Variants in SENP7 observed in about 807,000 individuals in gnomAD.
SENP7 encodes sentrin-specific protease 7.
In SENP7, 64 loss-of-function variants were observed where a neutral mutation model predicts 141.2. That is an observed-to-expected ratio of 0.45 (90% CI 0.37 to 0.56). The LOEUF (loss-of-function observed/expected upper bound fraction) is 0.56. Among genes scored for constraint, SENP7 ranks in the 20% least tolerant of loss-of-function variants. SENP7 has a pLI of 0.00. For synonymous variants in SENP7, 382 were observed against 426.4 expected, an observed-to-expected ratio of 0.90 and a Z score of 1.28; for missense variants, 1,025 against 1,212.2, an observed-to-expected ratio of 0.85 and a Z score of 2.29.
At chr3:101,449,152 G>C (rs1056006117) in intron 4 of SENP7, among the ~76,000 whole-genome samples, 1 of 152,110 alleles carries the variant, frequency 6.6e-6, no homozygotes, top group Non-Finnish European at 1.5e-5. Context: ...TGAATGAAAT[G>C]AAGAGAGAAG....
chr3:101,371,192 T>C (rs2060170625), intron 7 of SENP7, among the ~76,000 whole-genome samples: 1 of 151,942 alleles, frequency 6.6e-6, no homozygotes, highest in Non-Finnish European at 1.5e-5. Context: ...GGGAGGCTGA[T>C]GTGGGAGGAT....
chr3:101,452,213 G>A (rs1026050387), intron 4 of SENP7, among the ~76,000 whole-genome samples: 19 of 152,152 alleles, frequency 1.2e-4, no homozygotes, highest in African/African-American at 4.6e-4. Context: ...TGAAATAAAA[G>A]AGGACACAAA....
Position 101,328,670 on chromosome 3 carries a change from G to A in SENP7, c.2771C>T (p.Ser924Leu). The A allele has an allele frequency of 6.2e-7, 1 of 1,607,580 alleles. No individual in the cohort carries two copies. Among genetic ancestry groups the A allele is most frequent in the East Asian group, 2.2e-5 (1 of 44,638 alleles). ...CCTTTTACACATTTTCTTTGGTACTGACATATTCGACTCGGTACTCTGAAA... is the reference window on the plus strand; with the variant it reads ...CCTTTTACACATTTTCTTTGGTACTAACATATTCGACTCGGTACTCTGAAA... The part of the protein sequence containing the change: ...EDSQSTESNM[S>L]VPKKMCKRPC... The change falls in exon 21 of 24, where the codon TCA (serine) becomes TTA (leucine). Residue 924 changes from serine to leucine, a missense_variant. By Grantham distance (145) the Ser-to-Leu change is moderately radical (BLOSUM62 -2). Transcript: ENST00000394095.
chr3:101,458,748 A>G, intron 4 of SENP7: 1 of 416,648 alleles, frequency 2.4e-6, no homozygotes, highest in Non-Finnish European at 4.3e-6. Context: ...AAAGCTTATC[A>G]AGATGTTCCA....
chr3:101,380,153 C>CCCCA (rs2107489582), intron 6 of SENP7, among the ~76,000 whole-genome samples: 1 of 152,118 alleles, frequency 6.6e-6, no homozygotes, highest in South Asian at 2.1e-4. Context: ...AGAATGGTGG[C>CCCCA]TGTCAGGGTT....
intron 5 of SENP7, among the ~76,000 whole-genome samples, chr3:101,400,719 GA>G (rs1211288686): frequency 1.3e-5 from 1 of 79,388 alleles, no homozygotes; most frequent in Non-Finnish European, 2.4e-5. Context: ...CAGCAATGTT[GA>G]AATTATGCCA....
chr3:101,365,061 C>T, intron 9 of SENP7, 70 bp from the exon 10 acceptor site: 1 of 1,070,700 alleles, frequency 9.3e-7, no homozygotes, highest in Non-Finnish European at 1.2e-6. Flanking sequence ...GAGACACAGT[C>T]TCCCCATCTC....
At chr3:101,397,406 T>C (rs997702588) in intron 6 of SENP7, among the ~76,000 whole-genome samples, 18 of 152,228 alleles carry the variant, frequency 1.2e-4, no homozygotes, top group African/African-American at 4.3e-4. Flanking sequence ...GGGCTAGGAT[T>C]ATAGGCATGA....
chr3:101,325,287 C>T lies in SENP7; in HGVS notation c.*656G>A, dbSNP rs2058870673. On this transcript the variant is annotated 3_prime_UTR_variant, in exon 24 of 24. Coordinates refer to ENST00000394095, the MANE Select transcript of SENP7 (RefSeq NM_020654.5). ...TAAATTATAAGATACTCACATATGA[C>T]ATCAAAAGAAATGAAAAAAAAAAAG... The T allele has an allele frequency of 9.0e-6, 1 of 111,604 alleles. No individual in the cohort carries two copies. The highest frequency in any genetic ancestry group is 3.0e-5 in the African/African-American group (1 of 33,890). The allele number at this position is 111,604 out of a possible 1,614,324, so 6.9% of individuals were successfully genotyped here. A position where few individuals can be genotyped will look rare whatever the true frequency, so the allele number is the denominator to read the frequency against.
chr3:101,512,111 C>T (rs1207284722), intron 1 of SENP7, among the ~76,000 whole-genome samples: 1 of 152,184 alleles, frequency 6.6e-6, no homozygotes, highest in Non-Finnish European at 1.5e-5. Flanking sequence ...TGAGCCACCG[C>T]GCCCGGCCAA....
chr3:101,472,889 C>G (rs1221364985), intron 3 of SENP7, among the ~76,000 whole-genome samples: 1 of 152,048 alleles, frequency 6.6e-6, no homozygotes, highest in Non-Finnish European at 1.5e-5. Context: ...AGCTATTTTA[C>G]CTGATGCTCT....
intron 4 of SENP7, chr3:101,457,874 A>G (rs2063410840): frequency 2.1e-6 from 1 of 479,570 alleles, no homozygotes; most frequent in East Asian, 3.1e-5. Flanking sequence ...AAGCATGCAA[A>G]GTCTTCAGGA....
At chr3:101,385,646 C>T (rs1393080421) in intron 6 of SENP7, among the ~76,000 whole-genome samples, 1 of 152,172 alleles carries the variant, frequency 6.6e-6, no homozygotes, top group Non-Finnish European at 1.5e-5. Flanking sequence ...AATTGCAGAG[C>T]TCCTCCAGTG....
chr3:101,352,512 C>T (rs1329272202), intron 11 of SENP7, among the ~76,000 whole-genome samples: 2 of 151,944 alleles, frequency 1.3e-5, no homozygotes, highest in East Asian at 1.9e-4. Context: ...TCTCTAGGTA[C>T]CTTTTGTATA....
chr3:101,357,160 CCA>C (rs1465903891), intron 11 of SENP7: 1 of 183,412 alleles, frequency 5.5e-6, no homozygotes, highest in Admixed American at 5.9e-5. Context: ...CCCACCATGC[CCA>C]GTCAATTTTT....
At chr3:101,488,046 G>A (rs1056339502) in intron 3 of SENP7, among the ~76,000 whole-genome samples, 1 of 152,054 alleles carries the variant, frequency 6.6e-6, no homozygotes, top group Non-Finnish European at 1.5e-5. Flanking sequence ...AGACTGCTTT[G>A]GGCAGTATGG....
chr3:101,478,226 CTG>C (rs1039684542), intron 3 of SENP7, among the ~76,000 whole-genome samples: 25 of 152,020 alleles, frequency 1.6e-4, no homozygotes, highest in Admixed American at 4.6e-4. Context: ...AATAACAAGA[CTG>C]AGTGAGTAGG....
At chr3:101,366,261 C>T (rs2060035082) in intron 9 of SENP7, among the ~76,000 whole-genome samples, 169 bp downstream of exon 9, 3 of 152,148 alleles carry the variant, frequency 2.0e-5, no homozygotes, top group Admixed American at 1.3e-4. Flanking sequence ...TATTTTAAAA[C>T]TCATGAAGGA....
At chr3:101,340,335 A>C in intron 15 of SENP7, 124 bp from the exon 16 acceptor site, 5 of 1,171,924 alleles carry the variant, frequency 4.3e-6, no homozygotes, top group Non-Finnish European at 5.9e-6. Context: ...GGTAAAAAAC[A>C]TTTGACCAGG....
Sources: gnomAD v4.1 joint callset for allele counts (sites outside exome capture counted in the v4.1 genomes callset) on GRCh38, gnomAD v4.1.1 for gene constraint, MANE v1.5 for transcripts, NCBI Gene and HGNC (gene_info 2026-07-23, HGNC 2026-07-21) for gene names.